The following CTNNA3 variants were observed in gnomAD, a reference collection of about 807,000 sequenced individuals.
CTNNA3 encodes the protein catenin alpha-3.
Under a neutral mutation model 95.7 loss-of-function variants are expected in CTNNA3, and 76 were observed. The observed-to-expected ratio is 0.79, with a 90% CI of 0.66 to 0.96. CTNNA3 has a LOEUF of 0.96. Among genes scored for constraint, CTNNA3 ranks in the 40% least tolerant of loss-of-function variants. The probability of loss-of-function intolerance (pLI) is 0.00; values close to 1 mark genes in which losing one functional copy is unlikely to be tolerated. For missense variants in CTNNA3, 1,191 were observed against 1,089.8 expected (o/e 1.09, Z -1.31); for synonymous variants, 431 against 374.4 (o/e 1.15, Z -1.74).
chr10:67,490,721 T>C (rs905590362), intron 5 of CTNNA3, among the ~76,000 whole-genome samples: 55 of 152,250 alleles, frequency 3.6e-4, no homozygotes, highest in African/African-American at 1.3e-3. Context: ...AAAAGAGTCC[T>C]GGTAGATCAG....
At chr10:66,156,190 C>T (rs1376963036) in intron 13 of CTNNA3, among the ~76,000 whole-genome samples, 1 of 151,850 alleles carries the variant, frequency 6.6e-6, no homozygotes, top group East Asian at 1.9e-4. Flanking sequence ...TTTTTATTCT[C>T]CCTCATATAT....
intron 11 of CTNNA3, among the ~76,000 whole-genome samples, chr10:66,450,232 A>G (rs1228018012): frequency 6.6e-6 from 1 of 152,132 alleles, no homozygotes; most frequent in African/African-American, 2.4e-5. Flanking sequence ...TTCTCATTTG[A>G]TATTTTGCAG....
intron 5 of CTNNA3, among the ~76,000 whole-genome samples, chr10:67,357,488 G>C (rs1243024024): frequency 1.3e-5 from 2 of 151,996 alleles, no homozygotes; most frequent in South Asian, 2.1e-4. Flanking sequence ...TTAATAGAAA[G>C]TATGTAAGAT....
chr10:67,732,037 C>T (rs976240077), intron 1 of CTNNA3, among the ~76,000 whole-genome samples: 1 of 150,646 alleles, frequency 6.6e-6, no homozygotes, highest in South Asian at 2.1e-4. Flanking sequence ...ACCTCGGCCT[C>T]CCAAAGTGCT....
intron 10 of CTNNA3, among the ~76,000 whole-genome samples, chr10:66,545,037 A>T (rs1340315645): frequency 6.6e-6 from 1 of 152,064 alleles, no homozygotes; most frequent in East Asian, 1.9e-4. Flanking sequence ...AACAAAATAC[A>T]CTTATGTATG....
intron 7 of CTNNA3, among the ~76,000 whole-genome samples, chr10:67,069,697 T>A (rs929204642): frequency 1.3e-5 from 2 of 151,900 alleles, no homozygotes; most frequent in African/African-American, 2.4e-5. Flanking sequence ...TGTGTCTGAA[T>A]GTTGTGTCTC....
intron 7 of CTNNA3, among the ~76,000 whole-genome samples, chr10:67,021,727 CTT>C (rs1463295020): frequency 1.3e-5 from 2 of 152,090 alleles, no homozygotes; most frequent in African/African-American, 2.4e-5. Flanking sequence ...AAAATTTCCT[CTT>C]AAGATTTCTG....
intron 3 of CTNNA3, among the ~76,000 whole-genome samples, chr10:67,605,887 T>A (rs1368490676): frequency 6.6e-6 from 1 of 152,200 alleles, no homozygotes; most frequent in Non-Finnish European, 1.5e-5. Flanking sequence ...GCCAGGCTGG[T>A]CTTGAACTCC....
intron 9 of CTNNA3, among the ~76,000 whole-genome samples, chr10:66,686,055 C>G (rs914770673): frequency 6.6e-6 from 1 of 152,102 alleles, no homozygotes; most frequent in Admixed American, 6.5e-5. Context: ...TATGTTATGA[C>G]AAGAACCAAC....
chr10:66,778,610 G>T (rs565336622), intron 7 of CTNNA3, among the ~76,000 whole-genome samples: 9 of 152,130 alleles, frequency 5.9e-5, no homozygotes, highest in Non-Finnish European at 1.2e-4. Context: ...ACATGGCACA[G>T]GTCAGCACTG....
chr10:66,064,038 A>G (rs1337735969), intron 15 of CTNNA3, among the ~76,000 whole-genome samples: 2 of 152,136 alleles, frequency 1.3e-5, no homozygotes, highest in African/African-American at 4.8e-5. Context: ...TGGGTAATTT[A>G]TAAGAGGAAG....
At chr10:67,161,118 GC>G (rs956737585) in intron 7 of CTNNA3, among the ~76,000 whole-genome samples, 12 of 152,010 alleles carry the variant, frequency 7.9e-5, no homozygotes, top group African/African-American at 2.9e-4. Flanking sequence ...CCAACATTGT[GC>G]CTCTAGTTTT....
chr10:66,701,793 GT>G (rs1847951474), intron 9 of CTNNA3, among the ~76,000 whole-genome samples: 1 of 151,974 alleles, frequency 6.6e-6, no homozygotes, highest in African/African-American at 2.4e-5. Context: ...TTCTGATTTT[GT>G]TTTTTAATTT....
chr10:67,199,889 C>T (rs752789613), intron 6 of CTNNA3, among the ~76,000 whole-genome samples: 12 of 152,104 alleles, frequency 7.9e-5, no homozygotes, highest in Non-Finnish European at 1.5e-4. Context: ...TACATAATTC[C>T]ATCAAGAAAA....
intron 1 of CTNNA3, among the ~76,000 whole-genome samples, chr10:67,724,561 G>A (rs1192979817): frequency 6.6e-6 from 1 of 151,968 alleles, no homozygotes; most frequent in Non-Finnish European, 1.5e-5. Context: ...GATACAGGGA[G>A]CCCACATGTG....
chr10:67,287,608 C>T (rs1382584368), intron 5 of CTNNA3, among the ~76,000 whole-genome samples: 1 of 152,058 alleles, frequency 6.6e-6, no homozygotes, highest in Non-Finnish European at 1.5e-5. Context: ...CCATTCATAC[C>T]CAGCTCACAG....
At chr10:67,146,301 A>G (rs768546616) in intron 7 of CTNNA3, among the ~76,000 whole-genome samples, 1 of 152,224 alleles carries the variant, frequency 6.6e-6, no homozygotes, top group Non-Finnish European at 1.5e-5. Flanking sequence ...CTATAGATAC[A>G]TAGAAATTGT....
At chr10:67,418,034 AGAAT>A (rs1261089329) in intron 5 of CTNNA3, among the ~76,000 whole-genome samples, 1 of 152,190 alleles carries the variant, frequency 6.6e-6, no homozygotes, top group Non-Finnish European at 1.5e-5. Context: ...GCAATAAGAA[AGAAT>A]GAAGTACTGA....
At chr10:66,711,965 G>A (rs1848310280) in intron 9 of CTNNA3, among the ~76,000 whole-genome samples, 1 of 151,988 alleles carries the variant, frequency 6.6e-6, no homozygotes, top group Non-Finnish European at 1.5e-5. Context: ...CCAAGCCTAG[G>A]CCCCAGCCAT....
Sources: gnomAD v4.1 joint callset for allele counts (sites outside exome capture counted in the v4.1 genomes callset) on GRCh38, gnomAD v4.1.1 for gene constraint, MANE v1.5 for transcripts, NCBI Gene and HGNC (gene_info 2026-07-23, HGNC 2026-07-21) for gene names.